The following GLRA2 variants were observed in gnomAD, a reference collection of about 807,000 sequenced individuals.
GLRA2 encodes glycine receptor subunit alpha-2.
GLRA2 carries 11 observed loss-of-function variants against 31.6 expected under a neutral mutation model. That is an observed-to-expected ratio of 0.35 (90% CI 0.22 to 0.58). GLRA2 has a LOEUF of 0.58. GLRA2 is among the 20% of genes least tolerant of loss of function. The pLI, the probability that GLRA2 is intolerant of heterozygous loss-of-function variation, is 0.84. For missense variants in GLRA2, 212 were observed against 351.8 expected (o/e 0.60, Z 3.18); for synonymous variants, 132 against 134.0 (o/e 0.99, Z 0.10).
chrX:14,485,275 C>T, the GLRA2 span, among the ~76,000 whole-genome samples: 4 of 112,065 alleles, frequency 3.6e-5, no homozygotes, highest in Admixed American at 1.9e-4. Flanking sequence ...ATATCCATGC[C>T]CCAAGAGGGA....
chrX:14,634,104 A>C (rs1039013678), intron 7 of GLRA2, among the ~76,000 whole-genome samples: 5 of 110,964 alleles, frequency 4.5e-5, no homozygotes, highest in Admixed American at 3.8e-4. Context: ...ACCCACCACC[A>C]TGCCCGACTA....
At chrX:14,516,046 G>C in the GLRA2 span, among the ~76,000 whole-genome samples, 28 of 111,774 alleles carry the variant, frequency 2.5e-4, no homozygotes, top group African/African-American at 8.8e-4. Flanking sequence ...GTTTTCCCTT[G>C]TTCACAAACT....
chrX:14,640,607 T>C (rs1284079072), intron 7 of GLRA2, among the ~76,000 whole-genome samples: 1 of 111,543 alleles, frequency 9.0e-6, no homozygotes, highest in African/African-American at 3.3e-5. Context: ...TTCTGACTTG[T>C]TTAACTATTG....
chrX:14,679,649 C>T (rs149083973), intron 7 of GLRA2, among the ~76,000 whole-genome samples: 381 of 110,985 alleles, frequency 3.4e-3, no homozygotes, highest in Non-Finnish European at 5.9e-3. Context: ...GACCACCATA[C>T]TCTCTCCCAT....
chrX:14,631,150 T>A (rs1373859926), intron 7 of GLRA2, among the ~76,000 whole-genome samples: 1 of 111,732 alleles, frequency 8.9e-6, no homozygotes, highest in African/African-American at 3.3e-5. Context: ...ATTTTCAAAT[T>A]CATTAACCTT....
intron 7 of GLRA2, among the ~76,000 whole-genome samples, chrX:14,647,736 A>T (rs1289833580): frequency 8.9e-6 from 1 of 112,678 alleles, no homozygotes. Flanking sequence ...GGGAAGGTAC[A>T]TAAAAGTGGT....
intron 8 of GLRA2, among the ~76,000 whole-genome samples, chrX:14,727,090 A>C (rs1365887511): frequency 8.9e-6 from 1 of 111,994 alleles, no homozygotes; most frequent in East Asian, 2.8e-4. Flanking sequence ...TAGGTTGTAC[A>C]TTTTAGAGAT....
chrX:14,677,509 G>C (rs1430099964), intron 7 of GLRA2, among the ~76,000 whole-genome samples: 2 of 112,071 alleles, frequency 1.8e-5, no homozygotes. Flanking sequence ...GGCTAGAATA[G>C]GCAAAGAAAT....
the GLRA2 span, among the ~76,000 whole-genome samples, chrX:14,522,139 G>T: frequency 8.9e-6 from 1 of 112,368 alleles, no homozygotes; most frequent in Non-Finnish European, 1.9e-5. Context: ...CTCAAACCCT[G>T]CTGCTGCTTT....
rs374752127 is a variant in GLRA2, at chrX:14,609,163, G to A, written c.888G>A (p.Thr296=). Residue 296 remains threonine (T), a synonymous_variant, in exon 7 of 9, where the codon ACG becomes ACA. Transcript: ENST00000218075. ...CACTGGGCATCACCACAGTCTTAAC[G>A]ATGACCACCCAGAGTTCAGGCTCCA... The part of the protein sequence containing the change: ...RVALGITTVL[T]MTTQSSGSRA... 4.2e-6 allele frequency: 5 copies of A among 1,199,338 alleles called. No individual in the cohort carries two copies. The highest frequency in any genetic ancestry group is 3.5e-5 in the South Asian group (2 of 56,497).
upstream of GLRA2, among the ~76,000 whole-genome samples, chrX:14,525,306 T>A (rs1465827300): frequency 9.0e-6 from 1 of 111,351 alleles, no homozygotes; most frequent in Non-Finnish European, 1.9e-5. Context: ...GTTAGAGGCA[T>A]AGGAGAATTA....
chrX:14,525,719 C>T (rs901356650), upstream of GLRA2, among the ~76,000 whole-genome samples: 2 of 111,418 alleles, frequency 1.8e-5, no homozygotes, highest in African/African-American at 3.3e-5. Context: ...TAATTTTATG[C>T]TTTAGACTGC....
At chrX:14,604,461 T>C (rs1172944985) in intron 5 of GLRA2, 64 bp downstream of exon 5, 1 of 693,923 alleles carries the variant, frequency 1.4e-6, no homozygotes, top group Non-Finnish European at 2.3e-6. Flanking sequence ...TCTTTTAGTA[T>C]GTCATTAAAG....
At chrX:14,612,576 A>G (rs1309314033) in intron 7 of GLRA2, among the ~76,000 whole-genome samples, 1 of 111,349 alleles carries the variant, frequency 9.0e-6, no homozygotes, top group Non-Finnish European at 1.9e-5. Context: ...AACCAACCCA[A>G]ATGTCCGTCA....
chrX:14,599,578 A>G (rs1044119407), intron 4 of GLRA2, among the ~76,000 whole-genome samples: 1 of 112,230 alleles, frequency 8.9e-6, no homozygotes, highest in Non-Finnish European at 1.9e-5. Flanking sequence ...TTTTTCCCCC[A>G]AACTCATATT....
intron 2 of GLRA2, among the ~76,000 whole-genome samples, chrX:14,557,273 G>T (rs767370466): frequency 3.1e-4 from 33 of 107,450 alleles, no homozygotes; most frequent in African/African-American, 1.1e-3. Context: ...CCACCACCAC[G>T]CCCGGCTAAT....
chrX:14,650,000 T>A (rs1367771654), intron 7 of GLRA2, among the ~76,000 whole-genome samples: 1 of 112,029 alleles, frequency 8.9e-6, no homozygotes, highest in Non-Finnish European at 1.9e-5. Flanking sequence ...GCCCAGGTAG[T>A]ATTGTGTTGC....
chrX:14,456,116 G>A, the GLRA2 span, among the ~76,000 whole-genome samples: 1 of 111,674 alleles, frequency 9.0e-6, no homozygotes, highest in Non-Finnish European at 1.9e-5. Flanking sequence ...AGTGGCCTTT[G>A]TGGGGGAAGA....
Position 14,597,913 on chromosome X carries a change from C to T in GLRA2, c.495-6402C>T, listed in dbSNP as rs181892250. Among the ~76,000 whole-genome samples, 3 of 111,797 alleles carry T rather than the reference C, an allele frequency of 2.7e-5. No individual in the cohort carries two copies. The Admixed American group carries it at 2.8e-4, about 11-fold the overall frequency. On this transcript the variant is annotated intron_variant, in intron 4 of 8. Coordinates refer to ENST00000218075, the MANE Select transcript of GLRA2 (RefSeq NM_002063.4). ...ACTGTCTGCCTTGTGTGATAATACT[C>T]AGTGATTATAAAATAATAAGAATGC... is the stretch of plus-strand genomic sequence containing the variant.
Sources: allele counts gnomAD v4.1 joint callset (sites outside exome capture counted in the v4.1 genomes callset), GRCh38; gene constraint gnomAD v4.1.1; transcripts MANE v1.5; gene names NCBI Gene and HGNC (gene_info 2026-07-23, HGNC 2026-07-21).